POU6F2: variants seen among roughly 807,000 people sequenced by gnomAD.
POU6F2 encodes POU domain, class 6, transcription factor 2.
Under a neutral mutation model 71.3 loss-of-function variants are expected in POU6F2, and 31 were observed. The observed-to-expected ratio is 0.43, with a 90% confidence interval of 0.33 to 0.59. POU6F2 has a LOEUF of 0.59. Ranked by LOEUF, POU6F2 falls within the 20% of genes least tolerant of loss-of-function variation. The probability of loss-of-function intolerance (pLI) is 0.04; values close to 1 mark genes in which losing one functional copy is unlikely to be tolerated. For synonymous variants in POU6F2, 347 were observed against 355.7 expected, an observed-to-expected ratio of 0.98 and a Z score of 0.27; for missense variants, 783 against 856.8, an observed-to-expected ratio of 0.91 and a Z score of 1.07.
intron 4 of POU6F2, among the ~76,000 whole-genome samples, chr7:39,276,292 C>G (rs543969708): frequency 2.0e-5 from 3 of 152,278 alleles, no homozygotes; most frequent in Non-Finnish European, 2.9e-5. Flanking sequence ...CCAAAAGACA[C>G]ATGAAAATAT....
At chr7:39,326,335 G>A (rs539366994) in intron 4 of POU6F2, among the ~76,000 whole-genome samples, 2 of 152,318 alleles carry the variant, frequency 1.3e-5, no homozygotes, top group South Asian at 4.1e-4. Context: ...GAGTCCCATT[G>A]TTTCTGCCAT....
At chr7:39,291,556 G>A (rs375543943) in intron 4 of POU6F2, among the ~76,000 whole-genome samples, 19 of 152,316 alleles carry the variant, frequency 1.2e-4, no homozygotes, top group African/African-American at 4.1e-4. Context: ...TATACCTCGT[G>A]TGTGTTTCCA....
At chr7:39,015,322 TATA>T (rs1190433548) in intron 1 of POU6F2, among the ~76,000 whole-genome samples, 6 of 136,846 alleles carry the variant, frequency 4.4e-5, no homozygotes, top group Middle Eastern at 4.7e-3. Context: ...TAATAATAGA[TATA>T]ATATATATTA....
chr7:39,433,827 A>G (rs1030094333), intron 7 of POU6F2, among the ~76,000 whole-genome samples: 6 of 152,226 alleles, frequency 3.9e-5, no homozygotes, highest in African/African-American at 1.4e-4. Context: ...GATTGGGTCC[A>G]CAGCACAGAA....
chr7:39,460,597 C>T lies in POU6F2; in HGVS notation c.1540C>T (p.Arg514Ter). ...GGATGGGGTTAATCTGGAGGAGATCCGAGAATTTGCCAAAGCTTTTAAAAT... is the reference window on the plus strand; with the variant it reads ...GGATGGGGTTAATCTGGAGGAGATCTGAGAATTTGCCAAAGCTTTTAAAAT... Reference protein sequence around the residue: ...EVDGVNLEEIREFAKAFKIRR... With the variant: ...EVDGVNLEEI Residue 514 changes from arginine (R) to a stop codon, truncating the protein, a stop_gained, in exon 9 of 10, where the codon CGA becomes TGA. Transcript: ENST00000518318. LOFTEE classifies it high-confidence loss of function. This position sits in a 1 kb window ranked among gnomAD's most constrained non-coding sequence, Gnocchi z 4.4. 6.2e-7 allele frequency: 1 copy of T among 1,613,158 alleles called. No individual in the cohort carries two copies. Among genetic ancestry groups the T allele is most frequent in the Non-Finnish European group, 8.5e-7 (1 of 1,179,622 alleles).
intron 1 of POU6F2, among the ~76,000 whole-genome samples, chr7:39,006,379 G>C (rs1026031161): frequency 6.6e-6 from 1 of 152,082 alleles, no homozygotes; most frequent in African/African-American, 2.4e-5. Context: ...CAGGAGAATT[G>C]CTTGAACCTG....
intron 2 of POU6F2, among the ~76,000 whole-genome samples, chr7:39,183,399 G>A (rs1208831922): frequency 6.6e-6 from 1 of 152,182 alleles, no homozygotes; most frequent in Non-Finnish European, 1.5e-5. Context: ...ATGGTGGCAG[G>A]AGGCAAAAGG....
At chr7:39,380,647 C>T (rs1786809595) in intron 5 of POU6F2, among the ~76,000 whole-genome samples, 1 of 152,102 alleles carries the variant, frequency 6.6e-6, no homozygotes, top group African/African-American at 2.4e-5. Context: ...TGTCTTTTAC[C>T]TATTTTGTAT....
intron 4 of POU6F2, among the ~76,000 whole-genome samples, chr7:39,261,529 TC>T (rs1203334917): frequency 6.6e-6 from 1 of 152,182 alleles, no homozygotes; most frequent in African/African-American, 2.4e-5. Context: ...CATTGAATCT[TC>T]CCCACAATCC....
At chr7:39,418,945 A>G (rs553451771) in intron 6 of POU6F2, among the ~76,000 whole-genome samples, 6 of 83,172 alleles carry the variant, frequency 7.2e-5, no homozygotes, top group Non-Finnish European at 1.5e-4. Flanking sequence ...ATGTGTATAT[A>G]TGTATATATG....
At chr7:39,159,322 G>A (rs984474909) in intron 2 of POU6F2, among the ~76,000 whole-genome samples, 7 of 152,030 alleles carry the variant, frequency 4.6e-5, no homozygotes, top group South Asian at 4.2e-4. Flanking sequence ...ATATATAACC[G>A]CTTTTTCTTT....
At chr7:39,397,814 GTATATATATA>G (rs150006644) in intron 5 of POU6F2, among the ~76,000 whole-genome samples, 2 of 128,448 alleles carry the variant, frequency 1.6e-5, no homozygotes, top group African/African-American at 6.5e-5. Context: ...TATATTTTGT[GTATATATATA>G]TATATATATA....
chr7:39,187,124 A>G (rs1227875632), intron 2 of POU6F2, among the ~76,000 whole-genome samples: 5 of 152,358 alleles, frequency 3.3e-5, no homozygotes, highest in South Asian at 2.1e-4. Flanking sequence ...TCCTCACTCT[A>G]TGAAGGAGGT....
intron 4 of POU6F2, among the ~76,000 whole-genome samples, chr7:39,299,203 A>C (rs745918532): frequency 2.8e-4 from 43 of 152,162 alleles, no homozygotes; most frequent in Non-Finnish European, 4.9e-4. Context: ...AATTAAATTA[A>C]ATTTTAAAAA....
In POU6F2 at chr7:39,465,179, A is replaced by T. The variant is rs1789041637; in HGVS notation, c.*493A>T. On this transcript the variant is annotated 3_prime_UTR_variant, in exon 10 of 10. Coordinates refer to ENST00000518318, the MANE Select transcript of POU6F2 (RefSeq NM_001370959.1). ...GAGGAAGGACTGCACCCCTTCAGGT[A>T]CTAAGTGCTGATTCACTATGAAACC... 1 of 155,138 alleles carries T rather than the reference A, an allele frequency of 6.4e-6. No individual in the cohort carries two copies. The highest frequency in any genetic ancestry group is 1.4e-5 in the Non-Finnish European group (1 of 69,848). 9.6% of individuals were successfully genotyped at this position (155,138 alleles called of 1,614,324 possible). A position where few individuals can be genotyped will look rare whatever the true frequency, so the allele number is the denominator to read the frequency against.
At chr7:39,098,471 G>A (rs552753422) in intron 2 of POU6F2, among the ~76,000 whole-genome samples, 1 of 151,674 alleles carries the variant, frequency 6.6e-6, no homozygotes, top group Non-Finnish European at 1.5e-5. Flanking sequence ...AAGAGAGGGG[G>A]GGTCTCACTT....
chr7:39,085,936 A>T lies in POU6F2; in HGVS notation c.182A>T (p.Glu61Val). Residue 61 changes from glutamate to valine, a missense_variant, in exon 2 of 10, where the codon GAG becomes GTG. Physicochemically the swap from Glu to Val is moderately radical, Grantham distance 121. This residue lies in a region of POU6F2 where 572 missense variants were observed against 572.9 expected (regional missense o/e 1.00). Coordinates refer to ENST00000518318, the MANE Select transcript of POU6F2 (RefSeq NM_001370959.1). ...RSEMNAELRG[E>V]DKAATSDSEL... Reference sequence around the variant, plus strand: ...GAAATGAATGCGGAGTTGAGAGGTGAGGACAAGGCTGCTACTTCAGACAGC... The same window carrying T: ...GAAATGAATGCGGAGTTGAGAGGTGTGGACAAGGCTGCTACTTCAGACAGC... 1 of 1,613,700 alleles carries T rather than the reference A, an allele frequency of 6.2e-7. No homozygotes were observed. Among genetic ancestry groups the T allele is most frequent in the Middle Eastern group, 1.7e-4 (1 of 6,060 alleles).
intron 2 of POU6F2, among the ~76,000 whole-genome samples, chr7:39,107,319 A>G (rs940132203): frequency 2.0e-5 from 3 of 152,144 alleles, no homozygotes; most frequent in Non-Finnish European, 4.4e-5. Flanking sequence ...TATTGGAATT[A>G]CAAGCATTAG....
At chr7:38,998,343 G>A (rs1183029682) in intron 1 of POU6F2, among the ~76,000 whole-genome samples, 1 of 152,134 alleles carries the variant, frequency 6.6e-6, no homozygotes, top group East Asian at 1.9e-4. Flanking sequence ...GCTGTCCTAT[G>A]CGATTAAAGT....
Sources: gnomAD v4.1 joint callset for allele counts (sites outside exome capture counted in the v4.1 genomes callset) on GRCh38, gnomAD v4.1.1 for gene constraint, gnomAD v4.1.1 regional missense constraint, Gnocchi (gnomAD v3.1) non-coding constraint, MANE v1.5 for transcripts, NCBI Gene and HGNC (gene_info 2026-07-23, HGNC 2026-07-21) for gene names.